Variants in AEBP2 observed in about 807,000 individuals in gnomAD.
The protein encoded by AEBP2 is AE binding protein 2, also known as zinc finger protein AEBP2.
Under a neutral mutation model 50.8 loss-of-function variants are expected in AEBP2, and 10 were observed. That is an observed-to-expected ratio of 0.20 (90% CI 0.12 to 0.33). AEBP2 has a LOEUF of 0.33. AEBP2 is among the 10% of genes least tolerant of loss of function. The pLI is 1.00. For missense variants in AEBP2, 570 were observed against 688.0 expected (o/e 0.83, Z 1.92); for synonymous variants, 296 against 261.3 (o/e 1.13, Z -1.28).
chr12:19,440,098 C>G lies in AEBP2; in HGVS notation c.399C>G (p.Ser133Arg). Residue 133 changes from serine (S) to arginine (R), a missense_variant, in exon 1 of 8, where the codon AGC (serine) becomes AGG (arginine). By Grantham distance (110) the Ser-to-Arg change is moderately radical (BLOSUM62 -1). Coordinates refer to ENST00000266508, the MANE Select transcript of AEBP2 (RefSeq NM_153207.5). ...TGGTGGGCAGCAGCGGCGGGAGCAG[C>G]AGCGACGAGACCCGCTCGTTGAGCC... ...ESLVGSSGGS[S>R]SDETRSLSPG... The G allele has an allele frequency of 6.6e-7, 1 of 1,507,380 alleles. No individual in the cohort carries two copies. The highest frequency in any genetic ancestry group is 8.8e-7 in the Non-Finnish European group (1 of 1,134,434). The allele number at this position is 1,507,380 out of a possible 1,614,324, so 93.4% of individuals were successfully genotyped here.
chr12:19,408,350 A>C (rs927292501), intron 1 of AEBP2, among the ~76,000 whole-genome samples: 4 of 151,718 alleles, frequency 2.6e-5, no homozygotes, highest in African/African-American at 9.7e-5. Flanking sequence ...TGAGGTCAGG[A>C]GTTCGAGACC....
upstream of AEBP2, among the ~76,000 whole-genome samples, chr12:19,437,824 A>AT (rs1192720348): frequency 6.6e-6 from 1 of 152,224 alleles, no homozygotes; most frequent in Non-Finnish European, 1.5e-5. Flanking sequence ...AACATTTTAT[A>AT]TAACAGTTGT....
chr12:19,478,784 C>A (rs748880556), intron 3 of AEBP2, among the ~76,000 whole-genome samples: 9 of 151,998 alleles, frequency 5.9e-5, no homozygotes, highest in Non-Finnish European at 1.0e-4. Context: ...TTTGAGGGTT[C>A]CTTTTGGAGT....
chr12:19,465,690 A>G (rs974590215), intron 2 of AEBP2, among the ~76,000 whole-genome samples: 6 of 152,112 alleles, frequency 3.9e-5, no homozygotes, highest in Non-Finnish European at 8.8e-5. Context: ...GTTTTGAATG[A>G]TAAAATATGA....
intron 1 of AEBP2, among the ~76,000 whole-genome samples, chr12:19,420,716 A>G (rs10841227): frequency 0.54 from 82,694 of 151,934 alleles, 23,305 homozygotes; most frequent in Non-Finnish European, 0.64. Flanking sequence ...TTTACGTTCC[A>G]TGTCCACTAT....
At chr12:19,446,711 G>A (rs1271054374) in intron 1 of AEBP2, among the ~76,000 whole-genome samples, 2 of 143,038 alleles carry the variant, frequency 1.4e-5, no homozygotes, top group Non-Finnish European at 3.0e-5. Context: ...CAGCCTGGGC[G>A]ACAGAGCGAG....
intron 1 of AEBP2, among the ~76,000 whole-genome samples, chr12:19,449,341 A>C (rs1948127232): frequency 6.6e-6 from 1 of 152,184 alleles, no homozygotes; most frequent in Non-Finnish European, 1.5e-5. Context: ...TAACTTCCTT[A>C]GTGTAATTGT....
intron 1 of AEBP2, 160 bp downstream of exon 1, chr12:19,440,530 C>A: frequency 7.3e-7 from 1 of 1,378,676 alleles, no homozygotes; most frequent in Non-Finnish European, 9.4e-7. Context: ...GTCGCCGCCG[C>A]GCCCCTCTCG....
rs548007553 is a variant in AEBP2 at position 19,516,616 on chromosome 12, A to G, written c.1482-1471A>G. Among the ~76,000 whole-genome samples, 11 of 152,326 alleles carry G rather than the reference A, an allele frequency of 7.2e-5. No individual in the cohort carries two copies. In the South Asian group the frequency reaches 2.1e-3, roughly 29 times the overall value. Reference sequence around the variant, plus strand: ...GAAGTGCATAGGAACAATGTTGCATATACTCAAATTTATGTGTGTGATTCC... The same window carrying G: ...GAAGTGCATAGGAACAATGTTGCATGTACTCAAATTTATGTGTGTGATTCC... On this transcript the variant is annotated intron_variant, in intron 7 of 7. Coordinates refer to ENST00000266508, the MANE Select transcript of AEBP2 (RefSeq NM_153207.5).
chr12:19,442,233 C>T (rs1348112151), intron 1 of AEBP2, among the ~76,000 whole-genome samples: 3 of 152,138 alleles, frequency 2.0e-5, no homozygotes, highest in Non-Finnish European at 2.9e-5. Context: ...CATAGTGAAA[C>T]CTTATCTACA....
intron 4 of AEBP2, among the ~76,000 whole-genome samples, chr12:19,495,473 T>C (rs973155415): frequency 1.3e-5 from 2 of 152,154 alleles, no homozygotes; most frequent in South Asian, 4.2e-4. Flanking sequence ...ACTTTATATT[T>C]CGTTTTTATT....
chr12:19,442,042 T>C (rs1197948678), intron 1 of AEBP2, among the ~76,000 whole-genome samples: 2 of 152,008 alleles, frequency 1.3e-5, no homozygotes, highest in Admixed American at 6.6e-5. Context: ...AGCATGGAAA[T>C]GGTGGGCTGG....
At chr12:19,514,124 G>A (rs142752194) in intron 6 of AEBP2, among the ~76,000 whole-genome samples, 93 of 151,676 alleles carry the variant, frequency 6.1e-4, no homozygotes, top group Non-Finnish European at 1.1e-3. Context: ...CTCGTTCTCC[G>A]GAGTTGATGG....
At position 19,422,671 on chromosome 12, in the gene AEBP2, A is replaced by G. The variant is rs1220452968; in HGVS notation, c.-17+18455A>G. Among the ~76,000 whole-genome samples the G allele has an allele frequency of 4.0e-5, 6 of 151,792 alleles. No individual in the cohort carries two copies. In the East Asian group the frequency reaches 9.8e-4, roughly 25 times the overall value. On this transcript the variant is annotated intron_variant, in intron 1 of 3. Transcript: ENST00000538425. ...GCCACCATGCCTGGTTAATTTTTGT[A>G]GAAATCCGTTTTCATTGGTGAAATG...
At chr12:19,462,414 A>T in intron 1 of AEBP2, 96 bp from the exon 2 acceptor site, 1 of 1,010,142 alleles carries the variant, frequency 9.9e-7, no homozygotes, top group Non-Finnish European at 1.5e-6. Flanking sequence ...CACATGGAGC[A>T]GAATGTCAAG....
chr12:19,461,676 ATTT>A (rs1237476469), intron 1 of AEBP2, among the ~76,000 whole-genome samples: 1 of 151,864 alleles, frequency 6.6e-6, no homozygotes, highest in Non-Finnish European at 1.5e-5. Flanking sequence ...CACCCGGATA[ATTT>A]TTTGTATTTT....
intron 3 of AEBP2, among the ~76,000 whole-genome samples, chr12:19,490,005 T>TC (rs1256700975): frequency 4.2e-5 from 6 of 143,636 alleles, no homozygotes; most frequent in South Asian, 2.3e-4. Flanking sequence ...TTTTTTTTTT[T>TC]TTTTTTTTTT....
At chr12:19,480,090 G>T (rs1262513668) in intron 3 of AEBP2, among the ~76,000 whole-genome samples, 1 of 151,450 alleles carries the variant, frequency 6.6e-6, no homozygotes, top group Non-Finnish European at 1.5e-5. Flanking sequence ...TGAGATTTAT[G>T]CTTTAAGGAG....
chr12:19,516,681 C>T (rs1010799710), intron 7 of AEBP2, among the ~76,000 whole-genome samples: 2 of 152,106 alleles, frequency 1.3e-5, no homozygotes, highest in South Asian at 2.1e-4. Context: ...TGAGGTTGTT[C>T]TTAAGATATA....
Sources: gnomAD v4.1 joint callset for allele counts (sites outside exome capture counted in the v4.1 genomes callset) on GRCh38, gnomAD v4.1.1 for gene constraint, MANE v1.5 for transcripts, NCBI Gene and HGNC (gene_info 2026-07-23, HGNC 2026-07-21) for gene names.